The following FARS2 variants were observed in gnomAD, a reference collection of about 807,000 sequenced individuals.
FARS2 encodes the protein phenylalanine--tRNA ligase, mitochondrial.
A neutral mutation model predicts 46.4 loss-of-function variants in FARS2; 40 were observed. The observed-to-expected ratio is 0.86, with a 90% CI of 0.67 to 1.12. FARS2 has a LOEUF of 1.12. FARS2 is among the 50% of genes most tolerant of loss of function. The pLI, the probability that FARS2 is intolerant of heterozygous loss-of-function variation, is 0.00. For synonymous variants in FARS2, 234 were observed against 214.9 expected (o/e 1.09, Z -0.78); for missense variants, 513 against 567.9 (o/e 0.90, Z 0.98).
intron 2 of FARS2, among the ~76,000 whole-genome samples, chr6:5,373,479 G>C (rs1338060112): frequency 6.6e-6 from 1 of 152,096 alleles, no homozygotes; most frequent in Non-Finnish European, 1.5e-5. Flanking sequence ...ACATATTCAG[G>C]CTGTGGGAAA....
At chr6:5,704,031 C>T (rs1758595108) in intron 6 of FARS2, among the ~76,000 whole-genome samples, 1 of 152,224 alleles carries the variant, frequency 6.6e-6, no homozygotes, top group African/African-American at 2.4e-5. Flanking sequence ...ATGCTGGGTT[C>T]TCCTTCCTAC....
At chr6:5,267,169 A>AAAC (rs386405985) in intron 1 of FARS2, among the ~76,000 whole-genome samples, 51 of 151,596 alleles carry the variant, frequency 3.4e-4, no homozygotes, top group African/African-American at 1.1e-3. Flanking sequence ...TAAAAAAAAA[A>AAAC]AACTCATTAA....
chr6:5,260,572 T>G, upstream of FARS2: 2 of 1,514,874 alleles, frequency 1.3e-6, no homozygotes, highest in Admixed American at 2.0e-5. Flanking sequence ...TCCCCGGGGA[T>G]ATTCCGCGTC....
intron 1 of FARS2, among the ~76,000 whole-genome samples, chr6:5,359,566 T>C (rs767595101): frequency 5.9e-5 from 9 of 152,240 alleles, no homozygotes; most frequent in Non-Finnish European, 1.0e-4. Flanking sequence ...GCCCTCTTCA[T>C]GCAGTTGCCA....
intron 4 of FARS2, among the ~76,000 whole-genome samples, chr6:5,539,011 AC>A (rs893191331): frequency 1.3e-5 from 2 of 151,212 alleles, no homozygotes; most frequent in Non-Finnish European, 2.9e-5. Context: ...CGCGGGAATG[AC>A]CCCCTCAGTC....
chr6:5,260,976 G>C (rs763310635), upstream of FARS2: 21 of 1,213,908 alleles, frequency 1.7e-5, no homozygotes, highest in Admixed American at 4.6e-5. Context: ...GCGGTGCTGG[G>C]AGGGAGATGC....
intron 6 of FARS2, among the ~76,000 whole-genome samples, chr6:5,651,171 T>C (rs887618228): frequency 2.0e-5 from 3 of 152,020 alleles, no homozygotes; most frequent in South Asian, 2.1e-4. Flanking sequence ...GATGGAGAAG[T>C]GGAGCAGTTA....
chr6:5,397,479 A>G (rs949524739), intron 2 of FARS2, among the ~76,000 whole-genome samples: 2 of 152,216 alleles, frequency 1.3e-5, no homozygotes, highest in African/African-American at 4.8e-5. Flanking sequence ...AAGTCCATCT[A>G]GTGTAACAAG....
rs144920323 is a variant in FARS2 at position 5,771,492 on chromosome 6, G to T, written c.*63G>T. 1 of 1,543,284 alleles carries T rather than the reference G, an allele frequency of 6.5e-7. No individual in the cohort carries two copies. Among genetic ancestry groups the T allele is most frequent in the East Asian group, 2.3e-5 (1 of 43,964 alleles). On this transcript the variant is annotated 3_prime_UTR_variant, in exon 7 of 7. Coordinates refer to ENST00000274680, the MANE Select transcript of FARS2 (RefSeq NM_006567.5). ...TCCAGGATTTGCTGAAAGAGAAAAAGATATGGTTTGTGAACTGGGGCATCA... is the reference window on the plus strand; with the variant it reads ...TCCAGGATTTGCTGAAAGAGAAAAATATATGGTTTGTGAACTGGGGCATCA...
chr6:5,561,791 A>G (rs951376302), intron 5 of FARS2, among the ~76,000 whole-genome samples: 2 of 151,930 alleles, frequency 1.3e-5, no homozygotes, highest in Non-Finnish European at 2.9e-5. Flanking sequence ...CCTGTTGTAT[A>G]TTGGAGCTTC....
chr6:5,617,993 C>T (rs1397050299), intron 6 of FARS2, among the ~76,000 whole-genome samples: 2 of 152,164 alleles, frequency 1.3e-5, no homozygotes, highest in African/African-American at 4.8e-5. Flanking sequence ...AAGGGCTGAC[C>T]AGATTGTGAA....
intron 1 of FARS2, among the ~76,000 whole-genome samples, chr6:5,288,053 C>G (rs532931515): frequency 6.6e-6 from 1 of 152,312 alleles, no homozygotes; most frequent in African/African-American, 2.4e-5. Context: ...CAGAGCCCTC[C>G]TCATATTTAT....
chr6:5,493,090 TC>T lies in FARS2; in HGVS notation c.905-52087del, dbSNP rs565724124. 9.1e-3 allele frequency among the ~76,000 whole-genome samples: 1,377 copies of T among 151,864 alleles called. 5 individuals carry two copies. The highest frequency in any genetic ancestry group is 0.013 in the Non-Finnish European group (873 of 67,986). On this transcript the variant is annotated intron_variant, in intron 4 of 6. Coordinates refer to ENST00000274680, the MANE Select transcript of FARS2 (RefSeq NM_006567.5). ...GCCGCTTATTGGCCGGTGCCTGTAA[TC>T]CCAGCTACTTGGGAGGCTGAGGCAG...
intron 6 of FARS2, among the ~76,000 whole-genome samples, chr6:5,651,511 G>A (rs549946369): frequency 3.3e-5 from 5 of 152,298 alleles, no homozygotes; most frequent in South Asian, 2.1e-4. Flanking sequence ...CAAGATCCAC[G>A]AAGTAAGAGT....
chr6:5,326,240 C>T (rs896145977), intron 1 of FARS2, among the ~76,000 whole-genome samples: 2 of 152,212 alleles, frequency 1.3e-5, no homozygotes, highest in African/African-American at 4.8e-5. Context: ...TGATGTGCAA[C>T]TCACTGGATT....
At chr6:5,392,649 C>T (rs149061799) in intron 2 of FARS2, among the ~76,000 whole-genome samples, 2 of 151,350 alleles carry the variant, frequency 1.3e-5, no homozygotes, top group African/African-American at 4.8e-5. Flanking sequence ...CCTAGGATGA[C>T]CAGAATGACC....
chr6:5,457,802 C>G (rs1328109409), intron 4 of FARS2: 1 of 152,138 alleles, frequency 6.6e-6, no homozygotes, highest in Admixed American at 6.5e-5. Context: ...ATGTGTCAAC[C>G]AAGGCTATAA....
At chr6:5,408,057 A>G (rs145820202) in intron 3 of FARS2, among the ~76,000 whole-genome samples, 31 of 115,324 alleles carry the variant, frequency 2.7e-4, no homozygotes, top group East Asian at 2.6e-3. Flanking sequence ...ACATATTTCT[A>G]TAATCAAATG....
chr6:5,520,119 G>A (rs115085531), intron 4 of FARS2, among the ~76,000 whole-genome samples: 2,749 of 152,180 alleles, frequency 0.018, 68 homozygotes, highest in African/African-American at 0.063. Flanking sequence ...GGAACCTGCC[G>A]CACCCTAGGG....
Sources: gnomAD v4.1 joint callset for allele counts (sites outside exome capture counted in the v4.1 genomes callset) on GRCh38, gnomAD v4.1.1 for gene constraint, MANE v1.5 for transcripts, NCBI Gene and HGNC (gene_info 2026-07-23, HGNC 2026-07-21) for gene names.